SLC38A6: variants seen among roughly 807,000 people sequenced by gnomAD.
SLC38A6 encodes N system amino acid transporter NAT-1.
In SLC38A6, 73 loss-of-function variants were observed where a neutral mutation model predicts 65.0. The ratio of observed to expected loss-of-function variants is 1.12; its 90% CI spans 0.93 to 1.37. SLC38A6 has a LOEUF of 1.37. SLC38A6 is among the 40% of genes most tolerant of loss of function. The probability of loss-of-function intolerance (pLI) is 0.00; values close to 1 mark genes in which losing one functional copy is unlikely to be tolerated. For synonymous variants in SLC38A6, 183 were observed against 178.8 expected (o/e 1.02, Z -0.19); for missense variants, 561 against 531.1 (o/e 1.06, Z -0.55).
intron 15 of SLC38A6, among the ~76,000 whole-genome samples, chr14:61,077,393 C>G (rs1480899732): frequency 1.3e-5 from 2 of 152,124 alleles, no homozygotes; most frequent in Admixed American, 1.3e-4. Context: ...GACTCTTTCC[C>G]CAGTCATTAC....
chr14:61,055,320 A>G (rs1356592436), downstream of SLC38A6, among the ~76,000 whole-genome samples: 3 of 43,484 alleles, frequency 6.9e-5, no homozygotes, highest in Non-Finnish European at 1.4e-4. Context: ...TCCTGTGTCC[A>G]TGTGATCTCA....
rs535352942 is a variant in SLC38A6 at position 60,984,929 on chromosome 14, G to A, written c.310+126G>A. The A allele has an allele frequency of 2.6e-5, 23 of 890,856 alleles. No homozygotes were observed. In the East Asian group the frequency reaches 2.6e-4, roughly 10 times the overall value. The allele number at this position is 890,856 out of a possible 1,614,324, so 55.2% of individuals were successfully genotyped here. Reference sequence around the variant, plus strand: ...ACATTTTTATTAGATAGGGTGATCGGAATGGAGAATTTGAAAAACCAGGAT... The same window carrying A: ...ACATTTTTATTAGATAGGGTGATCGAAATGGAGAATTTGAAAAACCAGGAT... On this transcript the variant is annotated intron_variant, in intron 3 of 15. Transcript: ENST00000267488.
intron 3 of SLC38A6, chr14:60,987,409 A>G (rs2037529598): frequency 6.5e-6 from 1 of 152,892 alleles, no homozygotes; most frequent in Non-Finnish European, 1.5e-5. Context: ...TCTTCACATG[A>G]AATTCTACTT....
At chr14:60,986,587 G>A (rs2037467141) in intron 3 of SLC38A6, among the ~76,000 whole-genome samples, 1 of 152,216 alleles carries the variant, frequency 6.6e-6, no homozygotes, top group South Asian at 2.1e-4. Context: ...TAATCCTAAA[G>A]TAACAGGTTG....
intron 3 of SLC38A6, among the ~76,000 whole-genome samples, chr14:61,003,776 A>G (rs1226955466): frequency 6.6e-6 from 1 of 152,178 alleles, no homozygotes; most frequent in Non-Finnish European, 1.5e-5. Context: ...CATTACTCAT[A>G]TTCATGTTGT....
At chr14:61,072,607 A>G (rs950479503) in intron 15 of SLC38A6, among the ~76,000 whole-genome samples, 3 of 152,188 alleles carry the variant, frequency 2.0e-5, no homozygotes, top group Non-Finnish European at 4.4e-5. Context: ...TTTAGATCCC[A>G]CAGATAAGTG....
intron 3 of SLC38A6, among the ~76,000 whole-genome samples, chr14:60,989,994 C>A (rs1262194421): frequency 6.6e-6 from 1 of 151,952 alleles, no homozygotes; most frequent in Non-Finnish European, 1.5e-5. Context: ...ATTGGTGTAC[C>A]CCTGGGACTA....
chr14:61,054,497 T>C (rs998247634), downstream of SLC38A6, among the ~76,000 whole-genome samples: 3 of 152,246 alleles, frequency 2.0e-5, no homozygotes, highest in African/African-American at 7.2e-5. Flanking sequence ...CGATTCTTCC[T>C]ATCCATGAGC....
intron 5 of SLC38A6, among the ~76,000 whole-genome samples, chr14:61,029,878 T>C (rs571052554): frequency 6.6e-6 from 1 of 152,188 alleles, no homozygotes; most frequent in Non-Finnish European, 1.5e-5. Context: ...ATGTAATTCA[T>C]TATGTATTCT....
chr14:60,993,474 G>A, intron 3 of SLC38A6, among the ~76,000 whole-genome samples: 1 of 152,138 alleles, frequency 6.6e-6, no homozygotes. Flanking sequence ...TGTAGTTAAG[G>A]CCAAGATCAC....
chr14:60,997,669 T>C (rs1024938617), intron 3 of SLC38A6, among the ~76,000 whole-genome samples: 1 of 152,054 alleles, frequency 6.6e-6, no homozygotes, highest in African/African-American at 2.4e-5. Flanking sequence ...TGAACCAAGG[T>C]AGTAATAAGG....
At chr14:61,021,563 G>T (rs963899775) in intron 5 of SLC38A6, among the ~76,000 whole-genome samples, 1 of 152,128 alleles carries the variant, frequency 6.6e-6, no homozygotes, top group Non-Finnish European at 1.5e-5. Context: ...ATTCTAGAAA[G>T]GATTCTTGCA....
chr14:60,986,490 C>T (rs1292885949), intron 3 of SLC38A6, among the ~76,000 whole-genome samples: 1 of 152,206 alleles, frequency 6.6e-6, no homozygotes, highest in Non-Finnish European at 1.5e-5. Flanking sequence ...TCTAACAGTG[C>T]TTTGGCCATC....
At chr14:61,017,012 A>G (rs1385458894) in intron 4 of SLC38A6, among the ~76,000 whole-genome samples, 1 of 152,120 alleles carries the variant, frequency 6.6e-6, no homozygotes. Flanking sequence ...GAAAACCTGT[A>G]TTTACATTCC....
intron 14 of SLC38A6, 50 bp from the exon 15 acceptor site, chr14:61,051,991 C>T (rs1405586604): frequency 1.2e-6 from 2 of 1,602,558 alleles, no homozygotes; most frequent in East Asian, 2.2e-5. Context: ...TACCCAGCCT[C>T]ACATCTGAAT....
chr14:61,018,237 A>G (rs1386572833), intron 4 of SLC38A6, among the ~76,000 whole-genome samples: 1 of 152,186 alleles, frequency 6.6e-6, no homozygotes, highest in Non-Finnish European at 1.5e-5. Flanking sequence ...CCTACTACTG[A>G]CAGTAGGTAT....
chr14:61,037,598 G>T, intron 7 of SLC38A6, 27 bp from the exon 8 acceptor site: 1 of 1,500,082 alleles, frequency 6.7e-7, no homozygotes, highest in South Asian at 1.2e-5. Flanking sequence ...CTTATAAATT[G>T]CTTTTTATTT....
At chr14:61,064,808 C>T (rs2042970728) in intron 15 of SLC38A6, among the ~76,000 whole-genome samples, 1 of 151,824 alleles carries the variant, frequency 6.6e-6, no homozygotes, top group Admixed American at 6.6e-5. Context: ...ACTTTTCTAA[C>T]ATTTGGAGAC....
intron 3 of SLC38A6, chr14:61,001,942 A>G (rs1366013365): frequency 1.3e-5 from 2 of 152,024 alleles, no homozygotes; most frequent in African/African-American, 4.8e-5. Flanking sequence ...CCTATTTCCT[A>G]TAGTCTGTCT....
Sources: gnomAD v4.1 joint callset for allele counts (sites outside exome capture counted in the v4.1 genomes callset) on GRCh38, gnomAD v4.1.1 for gene constraint, MANE v1.5 for transcripts, NCBI Gene and HGNC (gene_info 2026-07-23, HGNC 2026-07-21) for gene names.